Variants in TMPRSS15 observed in about 807,000 individuals in gnomAD.
The protein encoded by TMPRSS15 is transmembrane serine protease 15.
Under a neutral mutation model 125.3 loss-of-function variants are expected in TMPRSS15, and 128 were observed. The ratio of observed to expected loss-of-function variants is 1.02; its 90% CI spans 0.89 to 1.18. TMPRSS15 has a LOEUF of 1.18. Ranked by LOEUF, TMPRSS15 falls within the 50% of genes most tolerant of loss-of-function variation. The pLI, the probability that TMPRSS15 is intolerant of heterozygous loss-of-function variation, is 0.00. For synonymous variants in TMPRSS15, 446 were observed against 423.2 expected (o/e 1.05, Z -0.66); for missense variants, 1,283 against 1,212.7 (o/e 1.06, Z -0.86).
At chr21:18,374,386 TG>T (rs1212129018) in intron 5 of TMPRSS15, among the ~76,000 whole-genome samples, 1 of 139,314 alleles carries the variant, frequency 7.2e-6, no homozygotes, top group Admixed American at 8.1e-5. Flanking sequence ...GGCAGGAGAA[TG>T]GCGTGAACCC....
intron 1 of TMPRSS15, among the ~76,000 whole-genome samples, chr21:18,400,921 C>T (rs1162030810): frequency 1.1e-4 from 16 of 152,038 alleles, no homozygotes. Flanking sequence ...GGGCAAAAAA[C>T]ATGAACAAGC....
At chr21:18,363,525 G>T (rs994165310) in intron 7 of TMPRSS15, among the ~76,000 whole-genome samples, 1 of 150,646 alleles carries the variant, frequency 6.6e-6, no homozygotes, top group African/African-American at 2.4e-5. Flanking sequence ...TTCAAAGATT[G>T]CATAAAAAAT....
At chr21:18,376,869 CA>C (rs996743948) in intron 5 of TMPRSS15, among the ~76,000 whole-genome samples, 1 of 152,088 alleles carries the variant, frequency 6.6e-6, no homozygotes, top group Non-Finnish European at 1.5e-5. Context: ...ACCGTTATCA[CA>C]AAAAATTCTC....
intron 7 of TMPRSS15, among the ~76,000 whole-genome samples, chr21:18,361,024 A>T (rs959318538): frequency 7.9e-5 from 12 of 152,190 alleles, no homozygotes; most frequent in African/African-American, 2.7e-4. Flanking sequence ...TAATTCATTC[A>T]TTCCTGTATT....
At chr21:18,359,174 CAT>C (rs1362609402) in intron 8 of TMPRSS15, among the ~76,000 whole-genome samples, 3 of 151,936 alleles carry the variant, frequency 2.0e-5, no homozygotes, top group Non-Finnish European at 2.9e-5. Flanking sequence ...TGAATAGAAA[CAT>C]ATTACTAGGG....
Position 18,485,306 on chromosome 21 carries a change from A to AT in TMPRSS15, c.10+492dup, listed in dbSNP as rs541388909. Among the ~76,000 whole-genome samples the AT allele has an allele frequency of 2.7e-3, 405 of 151,764 alleles. 2 individuals carry two copies. The highest frequency in any genetic ancestry group is 0.01 in the Middle Eastern group (3 of 288). On this transcript the variant is annotated intron_variant, in intron 1 of 7. Transcript: ENST00000422787. ...TTCCTCTTTATTTCAATCTTTATGT[A>AT]TTTTTTCTTGCCTTATTATATTAGC...
At chr21:18,314,802 CAACA>C (rs900451199) in intron 17 of TMPRSS15, among the ~76,000 whole-genome samples, 14 of 151,964 alleles carry the variant, frequency 9.2e-5, no homozygotes, top group Non-Finnish European at 1.5e-4. Flanking sequence ...TGAATGTGGG[CAACA>C]AACAGAAAAC....
intron 1 of TMPRSS15, among the ~76,000 whole-genome samples, chr21:18,450,283 A>G (rs955571536): frequency 6.6e-6 from 1 of 151,838 alleles, no homozygotes; most frequent in Non-Finnish European, 1.5e-5. Flanking sequence ...TTTCTAGCAT[A>G]TATTTCATCT....
intron 1 of TMPRSS15, among the ~76,000 whole-genome samples, chr21:18,422,110 A>C (rs1382772062): frequency 6.6e-6 from 1 of 151,284 alleles, no homozygotes; most frequent in Non-Finnish European, 1.5e-5. Context: ...CAGCCTCCTG[A>C]GTAGCTGGGA....
intron 18 of TMPRSS15, among the ~76,000 whole-genome samples, chr21:18,305,183 C>CTTTTTTTTTTTTTTTTTTT (rs59103494): frequency 4.6e-5 from 4 of 86,052 alleles, no homozygotes; most frequent in African/African-American, 1.8e-4. Context: ...AATTTCCGTA[C>CTTTTTTTTTTTTTTTTTTT]TTTTTTTTTT....
chr21:18,474,487 A>C (rs754473197), intron 1 of TMPRSS15, among the ~76,000 whole-genome samples: 2 of 151,944 alleles, frequency 1.3e-5, no homozygotes, highest in African/African-American at 2.4e-5. Context: ...ATGGGGTTTC[A>C]CTATGTTGGT....
intron 18 of TMPRSS15, among the ~76,000 whole-genome samples, chr21:18,299,493 T>C (rs1392952988): frequency 1.3e-5 from 2 of 152,178 alleles, no homozygotes; most frequent in Non-Finnish European, 2.9e-5. Context: ...GAGGTTTTAG[T>C]TGTGTTTTGC....
chr21:18,296,349 A>G (rs1324300794), intron 19 of TMPRSS15, among the ~76,000 whole-genome samples: 2 of 152,184 alleles, frequency 1.3e-5, no homozygotes, highest in Non-Finnish European at 2.9e-5. Context: ...GCATAAATAA[A>G]TTAACCAAAT....
Position 18,329,195 on chromosome 21 carries a change from C to A in TMPRSS15, c.1754G>T (p.Gly585Val). 6.2e-7 allele frequency: 1 copy of A among 1,612,776 alleles called. No homozygotes were observed. The highest frequency in any genetic ancestry group is 8.5e-7 in the Non-Finnish European group (1 of 1,179,144). ...NINDVVEIRD[G>V]EEADSLLLAV... Reference sequence around the variant, plus strand: ...TAAGAGCAAGGAATCAGCTTCTTCACCATCTCTTATTTCAACTACATCGTT... The same window carrying A: ...TAAGAGCAAGGAATCAGCTTCTTCAACATCTCTTATTTCAACTACATCGTT... The change falls in exon 15 of 25, where the codon GGT (glycine) becomes GTT (valine). Residue 585 changes from glycine to valine, a missense_variant. By Grantham distance (109) the Gly-to-Val change is moderately radical. Coordinates refer to ENST00000284885, the MANE Select transcript of TMPRSS15 (RefSeq NM_002772.3).
intron 1 of TMPRSS15, among the ~76,000 whole-genome samples, chr21:18,401,647 G>A (rs1244711336): frequency 1.3e-5 from 2 of 152,094 alleles, no homozygotes; most frequent in Non-Finnish European, 2.9e-5. Context: ...CAGTACCTGG[G>A]TGATGGGATC....
At chr21:18,310,933 CTTTTT>C (rs71329779) in intron 18 of TMPRSS15, among the ~76,000 whole-genome samples, 6 of 136,858 alleles carry the variant, frequency 4.4e-5, no homozygotes, top group South Asian at 2.3e-4. Context: ...CCCACTGATT[CTTTTT>C]TTTTTTTTTT....
At chr21:18,444,295 A>T (rs1247775327) in intron 1 of TMPRSS15, among the ~76,000 whole-genome samples, 1 of 152,228 alleles carries the variant, frequency 6.6e-6, no homozygotes, top group East Asian at 1.9e-4. Flanking sequence ...ACGGAATACT[A>T]CATAACCATA....
chr21:18,372,098 ATGTGTGTGTG>A (rs56932398), intron 6 of TMPRSS15, 85 bp downstream of exon 6: 250 of 538,762 alleles, frequency 4.6e-4, no homozygotes, highest in Non-Finnish European at 6.1e-4. Context: ...TGAGATTAGA[ATGTGTGTGTG>A]TGTGTGTGTG....
chr21:18,327,661 A>G (rs187055651), intron 15 of TMPRSS15, among the ~76,000 whole-genome samples: 429 of 152,340 alleles, frequency 2.8e-3, no homozygotes, highest in African/African-American at 9.8e-3. Flanking sequence ...TCCTGACTGC[A>G]TATCTATTAG....
Sources: gnomAD v4.1 joint callset for allele counts (sites outside exome capture counted in the v4.1 genomes callset) on GRCh38, gnomAD v4.1.1 for gene constraint, MANE v1.5 for transcripts, NCBI Gene and HGNC (gene_info 2026-07-23, HGNC 2026-07-21) for gene names.